The following ST7 variants were observed in gnomAD, a reference collection of about 807,000 sequenced individuals.
ST7 encodes the protein suppressor of tumorigenicity 7 protein.
Under a neutral mutation model 78.7 loss-of-function variants are expected in ST7, and 28 were observed. That is an observed-to-expected ratio of 0.36 (90% CI 0.26 to 0.49). ST7 has a LOEUF of 0.49. ST7 is among the 20% of genes least tolerant of loss of function. The pLI is 0.99. For missense variants in ST7, 418 were observed against 696.0 expected (o/e 0.60, Z 4.49); for synonymous variants, 247 against 249.6 (o/e 0.99, Z 0.10).
rs144102374 is a variant in ST7, at chr7:117,165,101, G to A, written c.964-5761G>A. 2.9e-3 allele frequency among the ~76,000 whole-genome samples: 437 copies of A among 152,280 alleles called. 1 individual carries two copies. Among genetic ancestry groups the A allele is most frequent in the Non-Finnish European group, 4.9e-3 (332 of 68,024 alleles). ...CTATAGAAAGGATTCTGGGAATGGC[G>A]TGTAATAGTCTGGTTTGACAAGGCT... is the stretch of plus-strand genomic sequence containing the variant. On this transcript the variant is annotated intron_variant, in intron 9 of 15. Transcript: ENST00000323984.
chr7:117,015,109 G>A, intron 1 of ST7: 2 of 610,906 alleles, frequency 3.3e-6, no homozygotes, highest in South Asian at 6.6e-5. Context: ...GATTGTGTGA[G>A]TACTTTAAAA....
chr7:117,182,277 A>G (rs1808830508), intron 10 of ST7, among the ~76,000 whole-genome samples: 1 of 152,156 alleles, frequency 6.6e-6, no homozygotes, highest in Admixed American at 6.5e-5. Context: ...TAATGTATAT[A>G]ACTGATTAAC....
At chr7:117,004,519 G>T (rs1470246148) in intron 1 of ST7, among the ~76,000 whole-genome samples, 1 of 152,084 alleles carries the variant, frequency 6.6e-6, no homozygotes, top group Non-Finnish European at 1.5e-5. Flanking sequence ...AAATTAGTCG[G>T]GTGTGGTGGC....
chr7:117,029,351 A>G (rs1796359049), intron 1 of ST7, among the ~76,000 whole-genome samples: 1 of 152,052 alleles, frequency 6.6e-6, no homozygotes, highest in Non-Finnish European at 1.5e-5. Context: ...TTATCATATT[A>G]AACAATTTTT....
intron 1 of ST7, among the ~76,000 whole-genome samples, chr7:116,997,037 C>T (rs566541940): frequency 1.3e-5 from 2 of 152,188 alleles, no homozygotes; most frequent in South Asian, 4.2e-4. Flanking sequence ...TCATGGTGAG[C>T]GTTACAGTTC....
chr7:117,210,386 A>G (rs913192691), intron 13 of ST7, among the ~76,000 whole-genome samples: 9 of 152,348 alleles, frequency 5.9e-5, no homozygotes, highest in Non-Finnish European at 1.2e-4. Context: ...AAGGTGTGGC[A>G]GTTATGCTTC....
intron 9 of ST7, among the ~76,000 whole-genome samples, chr7:117,155,877 A>G (rs1186190978): frequency 6.6e-6 from 1 of 152,158 alleles, no homozygotes; most frequent in Non-Finnish European, 1.5e-5. Flanking sequence ...GCCTTCTTGC[A>G]TTTGTTGAAT....
chr7:117,016,830 A>G (rs2115977255), intron 1 of ST7, among the ~76,000 whole-genome samples: 1 of 152,294 alleles, frequency 6.6e-6, no homozygotes, highest in South Asian at 2.1e-4. Context: ...AATCTATTAA[A>G]CTTTGAAGAG....
intron 9 of ST7, among the ~76,000 whole-genome samples, chr7:117,164,498 T>C (rs981519725): frequency 2.6e-5 from 4 of 152,234 alleles, no homozygotes; most frequent in African/African-American, 9.6e-5. Flanking sequence ...CCATATGAGC[T>C]AAGACCCAGG....
At chr7:117,204,174 T>C (rs958743901) in intron 12 of ST7, among the ~76,000 whole-genome samples, 2 of 152,192 alleles carry the variant, frequency 1.3e-5, no homozygotes, top group Non-Finnish European at 2.9e-5. Flanking sequence ...AAAAACAAAC[T>C]CAGTTATCTG....
chr7:117,194,316 A>AT (rs1365596856), intron 12 of ST7, among the ~76,000 whole-genome samples: 1 of 152,030 alleles, frequency 6.6e-6, no homozygotes, highest in Non-Finnish European at 1.5e-5. Flanking sequence ...CTTGTTTTTC[A>AT]TTTTTTCCAC....
intron 1 of ST7, among the ~76,000 whole-genome samples, chr7:117,052,627 G>A (rs1797842683): frequency 6.6e-6 from 1 of 152,212 alleles, no homozygotes; most frequent in Admixed American, 6.5e-5. Context: ...AGGAGCAGTG[G>A]CTCACGCCTA....
intron 1 of ST7, among the ~76,000 whole-genome samples, chr7:117,063,989 G>A (rs1277904371): frequency 2.0e-5 from 3 of 152,140 alleles, no homozygotes. Flanking sequence ...TCTATTTAGG[G>A]AAATAATTAG....
intron 10 of ST7, chr7:117,187,816 A>T (rs1809406048): frequency 1.3e-5 from 2 of 152,106 alleles, no homozygotes; most frequent in Non-Finnish European, 2.9e-5. Context: ...AGTTTTTTTT[A>T]TTAGCTTCAA....
At chr7:117,172,919 C>T (rs1193458171) in intron 10 of ST7, among the ~76,000 whole-genome samples, 2 of 152,186 alleles carry the variant, frequency 1.3e-5, no homozygotes, top group African/African-American at 4.8e-5. Flanking sequence ...TCATCAGCCT[C>T]GTGTTATAAG....
chr7:117,189,249 C>A, intron 10 of ST7, 72 bp from the exon 11 acceptor site: 4 of 977,182 alleles, frequency 4.1e-6, no homozygotes, highest in South Asian at 1.5e-5. Flanking sequence ...GATTAAAATG[C>A]TAGTGTATTG....
At chr7:117,218,498 A>G (rs1243934636) in intron 13 of ST7, among the ~76,000 whole-genome samples, 3 of 152,272 alleles carry the variant, frequency 2.0e-5, no homozygotes, top group Middle Eastern at 3.4e-3. Context: ...CTCCAGATCA[A>G]TTTTCCCACA....
intron 9 of ST7, among the ~76,000 whole-genome samples, chr7:117,160,061 T>C (rs1807006082): frequency 6.7e-6 from 1 of 150,312 alleles, no homozygotes; most frequent in Admixed American, 6.6e-5. Context: ...ATTAGCCGGG[T>C]GTGTGGCTAA....
intron 1 of ST7, among the ~76,000 whole-genome samples, chr7:117,001,951 C>T (rs574436621): frequency 2.6e-5 from 4 of 152,228 alleles, no homozygotes; most frequent in South Asian, 4.1e-4. Context: ...ATTGGCCAGG[C>T]GTGGTGGCTC....
Sources: gnomAD v4.1 joint callset for allele counts (sites outside exome capture counted in the v4.1 genomes callset) on GRCh38, gnomAD v4.1.1 for gene constraint, MANE v1.5 for transcripts, NCBI Gene and HGNC (gene_info 2026-07-23, HGNC 2026-07-21) for gene names.